Variants in DUSP4 observed in about 807,000 individuals in gnomAD.
DUSP4 encodes dual specificity protein phosphatase 4.
Under a neutral mutation model 27.2 loss-of-function variants are expected in DUSP4, and 12 were observed. The ratio of observed to expected loss-of-function variants is 0.44; its 90% CI spans 0.28 to 0.71. The LOEUF is 0.71. Ranked by LOEUF, DUSP4 falls within the 30% of genes least tolerant of loss-of-function variation. DUSP4 has a pLI of 0.14. For missense variants in DUSP4, 448 were observed against 551.3 expected (o/e 0.81, Z 1.88); for synonymous variants, 257 against 245.2 (o/e 1.05, Z -0.45).
At chr8:29,348,018 C>T (rs1817760586) in intron 1 of DUSP4, 2 of 985,434 alleles carry the variant, frequency 2.0e-6, no homozygotes, top group African/African-American at 1.7e-5. Context: ...GGCCGAGGTC[C>T]TGGAGCTGCC....
chr8:29,344,986 C>A (rs1817706915), intron 1 of DUSP4, among the ~76,000 whole-genome samples: 2 of 152,164 alleles, frequency 1.3e-5, no homozygotes, highest in Admixed American at 1.3e-4. Flanking sequence ...AGATTACAGG[C>A]ACATGCCATC....
At position 29,334,985 on chromosome 8, in the gene DUSP4, G is replaced by C. The variant is rs1296266529; in HGVS notation, c.*2041C>G. 6.6e-6 allele frequency: 1 copy of C among 152,178 alleles called. No homozygotes were observed. Among genetic ancestry groups the C allele is most frequent in the Non-Finnish European group, 1.5e-5 (1 of 68,046 alleles). 9.4% of individuals were successfully genotyped at this position (152,178 alleles called of 1,614,324 possible). A position where few individuals can be genotyped will look rare whatever the true frequency, so the allele number is the denominator to read the frequency against. On this transcript the variant is annotated 3_prime_UTR_variant, in exon 4 of 4. Coordinates refer to ENST00000240100, the MANE Select transcript of DUSP4 (RefSeq NM_001394.7). ...AGGTAACCAACCTTGTCCTGTCTAG[G>C]ATGCCAGATGAGAAAGAGTATCCCA...
rs564929124 is a variant in DUSP4 at position 29,339,140 on chromosome 8, G to T, written c.580-639C>A. ...TGAAGCTGCAGTGAGCTATGATTGCGCCACAGGACTCAAGCCTGGGTAACA... is the reference window on the plus strand; with the variant it reads ...TGAAGCTGCAGTGAGCTATGATTGCTCCACAGGACTCAAGCCTGGGTAACA... On this transcript the variant is annotated intron_variant, in intron 2 of 3. Coordinates refer to ENST00000240100, the MANE Select transcript of DUSP4 (RefSeq NM_001394.7). Among the ~76,000 whole-genome samples, 4 of 152,330 alleles carry T rather than the reference G, an allele frequency of 2.6e-5. No homozygotes were observed. The South Asian group carries it at 8.3e-4, about 32-fold the overall frequency.
At chr8:29,347,743 T>C in intron 1 of DUSP4, 1 of 985,364 alleles carries the variant, frequency 1.0e-6, no homozygotes, top group Non-Finnish European at 1.2e-6. Context: ...AGTACTTCTC[T>C]TATGTTGGCC....
At chr8:29,344,698 C>T (rs964239820) in intron 1 of DUSP4, among the ~76,000 whole-genome samples, 5 of 152,136 alleles carry the variant, frequency 3.3e-5, no homozygotes, top group Non-Finnish European at 4.4e-5. Context: ...CTCCCCCGTC[C>T]CTTGCAGGAG....
intron 1 of DUSP4, chr8:29,345,822 TG>T (rs1587051221): frequency 8.5e-7 from 1 of 1,172,868 alleles, no homozygotes; most frequent in East Asian, 5.3e-5. Flanking sequence ...CCAATGTAAA[TG>T]GTGTCTAACA....
intron 1 of DUSP4, chr8:29,345,465 G>A: frequency 6.2e-7 from 1 of 1,613,638 alleles, no homozygotes; most frequent in Non-Finnish European, 8.5e-7. Context: ...GTCTCTCCCA[G>A]TCCTCCTGGG....
rs1817580756 is a variant in DUSP4 at position 29,336,888 on chromosome 8, G to A, written c.*138C>T. On this transcript the variant is annotated 3_prime_UTR_variant, in exon 4 of 4. Transcript: ENST00000240100. ...CCTTATTGCCATTCTGGCTGGCCTC[G>A]TCGTTGGCCAAGGAGAAATGATGGG... 1.2e-5 allele frequency: 16 copies of A among 1,291,230 alleles called. No individual in the cohort carries two copies. The highest frequency in any genetic ancestry group is 1.6e-5 in the South Asian group (1 of 63,110). 80.0% of individuals were successfully genotyped at this position (1,291,230 alleles called of 1,614,324 possible).
intron 1 of DUSP4, among the ~76,000 whole-genome samples, chr8:29,341,791 G>A (rs143735751): frequency 3.3e-5 from 5 of 152,326 alleles, no homozygotes; most frequent in Non-Finnish European, 5.9e-5. Flanking sequence ...ATATCTGTCT[G>A]CAGCTGAAGT....
rs1175055936 is a variant in DUSP4, at chr8:29,336,868, T to C, written c.*158A>G. 1 of 1,070,548 alleles carries C rather than the reference T, an allele frequency of 9.3e-7. No individual in the cohort carries two copies. The highest frequency in any genetic ancestry group is 2.7e-5 in the East Asian group (1 of 37,508). The allele number at this position is 1,070,548 out of a possible 1,614,324, so 66.3% of individuals were successfully genotyped here. On this transcript the variant is annotated 3_prime_UTR_variant, in exon 4 of 4. Transcript: ENST00000240100. ...TTTTATTATGTATTCGGAGTCCTTATTGCCATTCTGGCTGGCCTCGTCGTT... is the reference window on the plus strand; with the variant it reads ...TTTTATTATGTATTCGGAGTCCTTACTGCCATTCTGGCTGGCCTCGTCGTT...
intron 1 of DUSP4, among the ~76,000 whole-genome samples, chr8:29,342,240 G>A (rs999049914): frequency 5.3e-5 from 8 of 152,318 alleles, no homozygotes; most frequent in African/African-American, 1.2e-4. Flanking sequence ...GTGAAGTTCC[G>A]AAAGGGCACA....
chr8:29,341,293 C>T (rs923659732), intron 1 of DUSP4, among the ~76,000 whole-genome samples: 1 of 152,210 alleles, frequency 6.6e-6, no homozygotes, highest in Non-Finnish European at 1.5e-5. Context: ...GATGTCGCTA[C>T]CTTTGCGGTC....
At chr8:29,338,537 A>G (rs1817612396) in intron 2 of DUSP4, 36 bp from the exon 3 acceptor site, 1 of 1,594,834 alleles carries the variant, frequency 6.3e-7, no homozygotes, top group African/African-American at 1.3e-5. Context: ...CCTGAATGAC[A>G]TGAGGGTAAA....
intron 1 of DUSP4, among the ~76,000 whole-genome samples, chr8:29,344,410 T>C (rs973360256): frequency 2.6e-5 from 4 of 152,260 alleles, no homozygotes; most frequent in African/African-American, 9.6e-5. Flanking sequence ...CTGAATGTAA[T>C]TCCATAAGAG....
chr8:29,350,508 G>A lies in DUSP4; in HGVS notation c.-230C>T. ...GGCCTCGGGCGCCCAGCCGGGCGGC[G>A]CGCAGAGCGGAGGGGGAGGCGCCGG... On this transcript the variant is annotated 5_prime_UTR_variant, in exon 1 of 4. Transcript: ENST00000240100. 3.6e-6 allele frequency: 2 copies of A among 554,160 alleles called. No homozygotes were observed. Among genetic ancestry groups the A allele is most frequent in the Non-Finnish European group, 6.2e-6 (2 of 323,844 alleles). The allele number at this position is 554,160 out of a possible 1,614,324, so 34.3% of individuals were successfully genotyped here. A position where few individuals can be genotyped will look rare whatever the true frequency, so the allele number is the denominator to read the frequency against.
intron 1 of DUSP4, chr8:29,347,857 C>G: frequency 1.0e-6 from 1 of 985,688 alleles, no homozygotes; most frequent in Non-Finnish European, 1.2e-6. Flanking sequence ...ATCGGTCTGG[C>G]TGGGGAAATG....
In DUSP4 at chr8:29,336,216, T is replaced by C. The variant is rs1817570967; in HGVS notation, c.*810A>G. 1 of 152,050 alleles carries C rather than the reference T, an allele frequency of 6.6e-6. No individual in the cohort carries two copies. The highest frequency in any genetic ancestry group is 6.5e-5 in the Admixed American group (1 of 15,270). The allele number at this position is 152,050 out of a possible 1,614,324, so 9.4% of individuals were successfully genotyped here. A position where few individuals can be genotyped will look rare whatever the true frequency, so the allele number is the denominator to read the frequency against. On this transcript the variant is annotated 3_prime_UTR_variant, in exon 4 of 4. Transcript: ENST00000240100. ...AGATGCTGTCTTTTTCTTTTCTTTTTTTTTTAAAAAGCAATTCAAACCTAA... is the reference window on the plus strand; with the variant it reads ...AGATGCTGTCTTTTTCTTTTCTTTTCTTTTTAAAAAGCAATTCAAACCTAA...
chr8:29,346,048 C>G, intron 1 of DUSP4: 2 of 985,172 alleles, frequency 2.0e-6, no homozygotes, highest in African/African-American at 3.5e-5. Context: ...TCCTGGGGAA[C>G]TGAAGACAGA....
At position 29,344,694 on chromosome 8, in the gene DUSP4, C is replaced by G. The variant is rs569192; in HGVS notation, c.434-4451G>C. On this transcript the variant is annotated intron_variant, in intron 1 of 3. Coordinates refer to ENST00000240100, the MANE Select transcript of DUSP4 (RefSeq NM_001394.7). The stretch of plus-strand genomic sequence containing the variant: ...TTAGAAGCCCTCCACCACACTCCCC[C>G]GTCCCTTGCAGGAGTAGGAGATAAT... Among the ~76,000 whole-genome samples, 5 of 152,222 alleles carry G rather than the reference C, an allele frequency of 3.3e-5. No individual in the cohort carries two copies. The South Asian group carries it at 1.0e-3, about 32-fold the overall frequency.
Sources: gnomAD v4.1 joint callset for allele counts (sites outside exome capture counted in the v4.1 genomes callset) on GRCh38, gnomAD v4.1.1 for gene constraint, MANE v1.5 for transcripts, NCBI Gene and HGNC (gene_info 2026-07-23, HGNC 2026-07-21) for gene names.